CAMKMT: variants seen among roughly 807,000 people sequenced by gnomAD.
CAMKMT encodes the protein calmodulin-lysine N-methyltransferase, also known as CaM KMT.
A neutral mutation model predicts 48.0 loss-of-function variants in CAMKMT; 53 were observed. The ratio of observed to expected loss-of-function variants is 1.10; its 90% CI spans 0.89 to 1.39. The LOEUF is 1.39. Among genes scored for constraint, CAMKMT ranks in the 40% most tolerant of loss-of-function variants. The pLI is 0.00. For missense variants in CAMKMT, 428 were observed against 402.7 expected, an observed-to-expected ratio of 1.06 and a Z score of -0.54; for synonymous variants, 165 against 152.3, an observed-to-expected ratio of 1.08 and a Z score of -0.61.
chr2:44,489,228 T>C (rs945780190), intron 3 of CAMKMT, among the ~76,000 whole-genome samples: 1 of 149,120 alleles, frequency 6.7e-6, no homozygotes, highest in Non-Finnish European at 1.5e-5. Context: ...CATATTTATT[T>C]GTTCATGGAA....
intron 3 of CAMKMT, among the ~76,000 whole-genome samples, chr2:44,629,035 G>A (rs1297369829): frequency 6.6e-6 from 1 of 152,034 alleles, no homozygotes; most frequent in Non-Finnish European, 1.5e-5. Flanking sequence ...AAACAAGTTG[G>A]TTAATAGTGT....
chr2:44,489,206 T>C (rs960877346), intron 3 of CAMKMT, among the ~76,000 whole-genome samples: 1 of 151,612 alleles, frequency 6.6e-6, no homozygotes, highest in Non-Finnish European at 1.5e-5. Context: ...CTTCCTCTAG[T>C]CTAATGGTTT....
At chr2:44,708,449 G>C (rs1311022184) in intron 6 of CAMKMT, among the ~76,000 whole-genome samples, 2 of 151,810 alleles carry the variant, frequency 1.3e-5, no homozygotes, top group African/African-American at 4.8e-5. Context: ...AAGCACAGTA[G>C]CTAATATTGT....
intron 3 of CAMKMT, among the ~76,000 whole-genome samples, chr2:44,621,712 G>A (rs1333707645): frequency 6.6e-6 from 1 of 152,228 alleles, no homozygotes; most frequent in Non-Finnish European, 1.5e-5. Flanking sequence ...GTAGGGCAGA[G>A]TAACGTGTGT....
rs144951045 is a variant in CAMKMT at position 44,673,251 on chromosome 2, C to A, written c.377-31032C>A. Among the ~76,000 whole-genome samples, 530 of 151,710 alleles carry A rather than the reference C, an allele frequency of 3.5e-3. 2 individuals are homozygous for A. Among genetic ancestry groups the A allele is most frequent in the African/African-American group, 0.012 (508 of 41,334 alleles). On this transcript the variant is annotated intron_variant, in intron 3 of 10. Coordinates refer to ENST00000378494, the MANE Select transcript of CAMKMT (RefSeq NM_024766.5). ...AATCACCCTGGTCAATACAAGGAGA[C>A]CCCATCTCTACAAAAATTTCAAAAA...
chr2:44,504,009 A>AGAG (rs1558661671), intron 3 of CAMKMT, among the ~76,000 whole-genome samples: 3 of 56,868 alleles, frequency 5.3e-5, no homozygotes, highest in African/African-American at 2.3e-4. Flanking sequence ...GAGAGAGAGA[A>AGAG]AACGAAACGG....
At chr2:44,514,448 T>G (rs1033343275) in intron 3 of CAMKMT, among the ~76,000 whole-genome samples, 1 of 152,210 alleles carries the variant, frequency 6.6e-6, no homozygotes, top group African/African-American at 2.4e-5. Context: ...CTCTAAGAAC[T>G]AACCAAGCCT....
At position 44,428,828 on chromosome 2, in the gene CAMKMT, A is replaced by G. The variant is rs187372330; in HGVS notation, c.376+38523A>G. On this transcript the variant is annotated intron_variant, in intron 3 of 10. Transcript: ENST00000378494. ...AATGCAAGTTTATGATGACTCCATG[A>G]GTTTGTAAAACTGTTACAGACTTTC... 2.6e-3 allele frequency among the ~76,000 whole-genome samples: 389 copies of G among 152,324 alleles called. 1 individual carries two copies. Among genetic ancestry groups the G allele is most frequent in the African/African-American group, 7.8e-3 (324 of 41,578 alleles).
At chr2:44,680,887 G>A (rs563785371) in intron 3 of CAMKMT, among the ~76,000 whole-genome samples, 3 of 152,270 alleles carry the variant, frequency 2.0e-5, no homozygotes, top group African/African-American at 4.8e-5. Flanking sequence ...CTTGCCACCC[G>A]AATGTGCAGT....
intron 3 of CAMKMT, among the ~76,000 whole-genome samples, chr2:44,670,590 T>C (rs1299222775): frequency 6.6e-6 from 1 of 152,154 alleles, no homozygotes; most frequent in Non-Finnish European, 1.5e-5. Flanking sequence ...TGTTAAAGGC[T>C]GCAGAGAGCT....
At chr2:44,400,583 T>C (rs1188628408) in intron 3 of CAMKMT, among the ~76,000 whole-genome samples, 1 of 152,176 alleles carries the variant, frequency 6.6e-6, no homozygotes, top group Non-Finnish European at 1.5e-5. Context: ...TTATCAAAGC[T>C]ATTTAAATGA....
intron 7 of CAMKMT, among the ~76,000 whole-genome samples, chr2:44,719,125 G>A (rs569517230): frequency 1.3e-5 from 2 of 152,102 alleles, no homozygotes; most frequent in Non-Finnish European, 2.9e-5. Flanking sequence ...TCCTCTTTTG[G>A]TTACCCTGGA....
intron 3 of CAMKMT, among the ~76,000 whole-genome samples, chr2:44,579,160 T>C (rs1485209993): frequency 6.6e-6 from 1 of 152,220 alleles, no homozygotes; most frequent in Non-Finnish European, 1.5e-5. Context: ...TTTATACACT[T>C]AACAATTTCT....
chr2:44,478,192 C>A (rs1324024842), intron 3 of CAMKMT, among the ~76,000 whole-genome samples: 1 of 152,118 alleles, frequency 6.6e-6, no homozygotes, highest in African/African-American at 2.4e-5. Flanking sequence ...TTGAAATATT[C>A]ACCCAATATT....
At chr2:44,557,727 T>G (rs187849371) in intron 3 of CAMKMT, among the ~76,000 whole-genome samples, 1 of 152,262 alleles carries the variant, frequency 6.6e-6, no homozygotes, top group Admixed American at 6.5e-5. Flanking sequence ...CATTTTCTTG[T>G]TACCGGGAGG....
chr2:44,402,676 C>G (rs1488492589), intron 3 of CAMKMT, among the ~76,000 whole-genome samples: 3 of 146,548 alleles, frequency 2.0e-5, no homozygotes, highest in Admixed American at 2.0e-4. Flanking sequence ...TCAGAAACTT[C>G]CATTTTTTGA....
intron 3 of CAMKMT, among the ~76,000 whole-genome samples, chr2:44,636,868 A>G (rs1281337023): frequency 6.6e-6 from 1 of 152,098 alleles, no homozygotes; most frequent in African/African-American, 2.4e-5. Flanking sequence ...AAATACTGTA[A>G]TTGCTTTGTA....
chr2:44,366,168 G>A (rs1350569845), intron 1 of CAMKMT, among the ~76,000 whole-genome samples: 1 of 152,110 alleles, frequency 6.6e-6, no homozygotes, highest in Admixed American at 6.5e-5. Flanking sequence ...TATTAGTTTT[G>A]TAATATTTAA....
Position 44,766,469 on chromosome 2 carries a change from T to C in CAMKMT, c.802T>C (p.Leu268=), listed in dbSNP as rs770717307. Residue 268 remains leucine (L), a synonymous_variant, in exon 10 of 11, where the codon TTA becomes CTA. Transcript: ENST00000378494. The part of the protein sequence containing the change: ...MVFAPRRGNT[L]NQFCNLAEKA... Reference sequence around the variant, plus strand: ...ATTTGCCCCACGCCGAGGGAATACTTTAAACCAGTTTTGCAATCTAGCTGA... The same window carrying C: ...ATTTGCCCCACGCCGAGGGAATACTCTAAACCAGTTTTGCAATCTAGCTGA... 1.2e-6 allele frequency: 2 copies of C among 1,614,094 alleles called. No homozygotes were observed. Among genetic ancestry groups the C allele is most frequent in the Admixed American group, 3.3e-5 (2 of 60,008 alleles).
Sources: allele counts gnomAD v4.1 joint callset (sites outside exome capture counted in the v4.1 genomes callset), GRCh38; gene constraint gnomAD v4.1.1; transcripts MANE v1.5; gene names NCBI Gene and HGNC (gene_info 2026-07-23, HGNC 2026-07-21).